Variants in MALRD1 observed in about 807,000 individuals in gnomAD.
MALRD1 encodes MAM and LDL-receptor class A domain-containing protein 1.
A neutral mutation model predicts 242.1 loss-of-function variants in MALRD1; 247 were observed. The ratio of observed to expected loss-of-function variants is 1.02; its 90% CI spans 0.92 to 1.13. The LOEUF is 1.13. MALRD1 is among the 50% of genes most tolerant of loss of function. The pLI, the probability that MALRD1 is intolerant of heterozygous loss-of-function variation, is 0.00. For synonymous variants in MALRD1, 995 were observed against 866.6 expected, an observed-to-expected ratio of 1.15 and a Z score of -2.60; for missense variants, 2,989 against 2,533.1, an observed-to-expected ratio of 1.18 and a Z score of -3.86.
intron 36 of MALRD1, among the ~76,000 whole-genome samples, chr10:19,619,555 CATGAT>C (rs1839311442): frequency 6.6e-6 from 1 of 151,914 alleles, no homozygotes; most frequent in South Asian, 2.1e-4. Flanking sequence ...ACAAATTACA[CATGAT>C]ATAAATTAAT....
intron 31 of MALRD1, among the ~76,000 whole-genome samples, chr10:19,528,153 G>A (rs1343187894): frequency 6.6e-6 from 1 of 151,928 alleles, no homozygotes; most frequent in Non-Finnish European, 1.5e-5. Context: ...ATATTTGGTG[G>A]TACATACAAT....
chr10:19,327,770 C>T, intron 23 of MALRD1, 97 bp downstream of exon 23: 3 of 999,892 alleles, frequency 3.0e-6, no homozygotes, highest in Non-Finnish European at 1.5e-6. Flanking sequence ...TGCCCCCATT[C>T]CCTTTTTGAT....
At chr10:19,617,051 T>G (rs1043407399) in intron 36 of MALRD1, among the ~76,000 whole-genome samples, 1 of 152,062 alleles carries the variant, frequency 6.6e-6, no homozygotes, top group Non-Finnish European at 1.5e-5. Flanking sequence ...CCAAAAAGTT[T>G]ATTAAATATC....
chr10:19,190,551 A>C (rs2131583688), intron 14 of MALRD1, among the ~76,000 whole-genome samples: 1 of 152,222 alleles, frequency 6.6e-6, no homozygotes, highest in African/African-American at 2.4e-5. Context: ...ACTTATTACA[A>C]AACTACAGTA....
intron 32 of MALRD1, among the ~76,000 whole-genome samples, chr10:19,561,053 GA>G (rs1304955063): frequency 6.6e-6 from 1 of 152,056 alleles, no homozygotes. Context: ...GACAATTTGG[GA>G]ATTGGGCATT....
chr10:19,638,045 G>C (rs140418150), intron 36 of MALRD1, among the ~76,000 whole-genome samples: 135 of 136,634 alleles, frequency 9.9e-4, no homozygotes, highest in African/African-American at 3.5e-3. Flanking sequence ...GGGTTGCAGT[G>C]AGCAGAGATT....
At chr10:19,674,967 T>A (rs986440071) in intron 36 of MALRD1, among the ~76,000 whole-genome samples, 3 of 151,430 alleles carry the variant, frequency 2.0e-5, no homozygotes, top group South Asian at 2.1e-4. Flanking sequence ...GACATTTTTT[T>A]AAAAAAACTT....
At chr10:19,481,968 A>T (rs1292586179) in intron 29 of MALRD1, among the ~76,000 whole-genome samples, 1 of 152,048 alleles carries the variant, frequency 6.6e-6, no homozygotes, top group Admixed American at 6.6e-5. Flanking sequence ...GAGCTATCTC[A>T]ATATTTTCCA....
At chr10:19,052,507 T>G (rs1387030746) in intron 1 of MALRD1, among the ~76,000 whole-genome samples, 1 of 152,160 alleles carries the variant, frequency 6.6e-6, no homozygotes, top group Non-Finnish European at 1.5e-5. Flanking sequence ...CTAACTCAAC[T>G]GTGAAAAGAC....
chr10:19,487,298 TA>T (rs894878099), intron 29 of MALRD1, among the ~76,000 whole-genome samples: 1 of 152,010 alleles, frequency 6.6e-6, no homozygotes, highest in East Asian at 1.9e-4. Context: ...AGTCTTTCAT[TA>T]AAAAAATCTA....
intron 33 of MALRD1, among the ~76,000 whole-genome samples, chr10:19,580,057 G>T (rs542280884): frequency 3.2e-4 from 49 of 152,248 alleles, no homozygotes; most frequent in African/African-American, 1.1e-3. Context: ...GTATGGAAAT[G>T]ATTAAACAGG....
chr10:19,180,743 C>G (rs1433596592), intron 14 of MALRD1, among the ~76,000 whole-genome samples: 1 of 152,122 alleles, frequency 6.6e-6, no homozygotes, highest in Admixed American at 6.5e-5. Flanking sequence ...TAAAAGGCTT[C>G]TGCACAGTAA....
chr10:19,197,594 G>A (rs555067373), intron 14 of MALRD1, among the ~76,000 whole-genome samples: 1 of 152,264 alleles, frequency 6.6e-6, no homozygotes, highest in African/African-American at 2.4e-5. Context: ...TCCCTCAGTG[G>A]TGGGTGTCCT....
intron 18 of MALRD1, among the ~76,000 whole-genome samples, chr10:19,212,803 G>C (rs12254314): frequency 1.3e-5 from 2 of 152,074 alleles, no homozygotes; most frequent in South Asian, 2.1e-4. Flanking sequence ...AGATAGTGGC[G>C]TCTCGTTTTG....
chr10:19,656,656 CTT>C (rs948603324), intron 36 of MALRD1, among the ~76,000 whole-genome samples: 3 of 152,044 alleles, frequency 2.0e-5, no homozygotes, highest in Non-Finnish European at 4.4e-5. Context: ...CTTGCAAAAA[CTT>C]TCCCAATAGA....
intron 35 of MALRD1, 39 bp downstream of exon 35, chr10:19,607,941 C>T (rs1179538465): frequency 1.3e-6 from 2 of 1,543,922 alleles, no homozygotes; most frequent in African/African-American, 2.7e-5. Context: ...TGATATGAAC[C>T]AGCAACTTAA....
intron 5 of MALRD1, among the ~76,000 whole-genome samples, chr10:19,120,049 T>G (rs1013988279): frequency 6.6e-6 from 1 of 151,892 alleles, no homozygotes; most frequent in Non-Finnish European, 1.5e-5. Context: ...CACAAAAATT[T>G]TGGGCCTGAG....
At chr10:19,171,864 A>G (rs145006764) in intron 13 of MALRD1, among the ~76,000 whole-genome samples, 9,563 of 143,486 alleles carry the variant, frequency 0.067, 372 homozygotes, top group African/African-American at 0.1. Flanking sequence ...ATATATATAC[A>G]TATATACACG....
chr10:19,571,446 C>T (rs1184061096), intron 33 of MALRD1, among the ~76,000 whole-genome samples: 1 of 151,930 alleles, frequency 6.6e-6, no homozygotes, highest in African/African-American at 2.4e-5. Context: ...AGTGTTAGTA[C>T]TTAGCAAGGA....
Sources: allele counts gnomAD v4.1 joint callset (sites outside exome capture counted in the v4.1 genomes callset), GRCh38; gene constraint gnomAD v4.1.1; transcripts MANE v1.5; gene names NCBI Gene and HGNC (gene_info 2026-07-23, HGNC 2026-07-21).